The following NKAIN2 variants were observed in gnomAD, a reference collection of about 807,000 sequenced individuals.
NKAIN2 encodes the protein sodium/potassium transporting ATPase interacting 2, also known as sodium/potassium-transporting ATPase subunit beta-1-interacting protein 2.
In NKAIN2, 14 loss-of-function variants were observed where a neutral mutation model predicts 32.6. That is an observed-to-expected ratio of 0.43 (90% CI 0.28 to 0.67). The LOEUF is 0.67. Among genes scored for constraint, NKAIN2 ranks in the 30% least tolerant of loss-of-function variants. The probability of loss-of-function intolerance (pLI) is 0.17; values close to 1 mark genes in which losing one functional copy is unlikely to be tolerated. For missense variants in NKAIN2, 198 were observed against 258.3 expected, an observed-to-expected ratio of 0.77 and a Z score of 1.60; for synonymous variants, 80 against 87.2, an observed-to-expected ratio of 0.92 and a Z score of 0.46.
chr6:124,344,396 G>A (rs1209228328), intron 2 of NKAIN2, among the ~76,000 whole-genome samples: 1 of 151,686 alleles, frequency 6.6e-6, no homozygotes, highest in Admixed American at 6.6e-5. Flanking sequence ...GATGGGGATG[G>A]CATTGAATCT....
At chr6:124,242,078 A>G (rs1244017646) in intron 1 of NKAIN2, among the ~76,000 whole-genome samples, 1 of 152,220 alleles carries the variant, frequency 6.6e-6, no homozygotes, top group African/African-American at 2.4e-5. Flanking sequence ...GCTTATGCAC[A>G]GCAAAAGAAA....
chr6:124,036,869 C>T (rs981166140), intron 1 of NKAIN2, among the ~76,000 whole-genome samples: 1 of 152,124 alleles, frequency 6.6e-6, no homozygotes, highest in African/African-American at 2.4e-5. Context: ...GGTATTCCCT[C>T]AGCCTCCAGC....
Position 124,791,379 on chromosome 6 carries a change from T to C in NKAIN2, c.515T>C (p.Ile172Thr). Residue 172 changes from isoleucine (I) to threonine (T), a missense_variant, in exon 5 of 7, where the codon ATA becomes ACA. Ile to Thr is a moderately conservative substitution (Grantham distance 89). Coordinates refer to ENST00000368417, the MANE Select transcript of NKAIN2 (RefSeq NM_001040214.3). ...TACGCCTGTTATGTTGTGAAATGTA[T>C]AACTGAAGAAGAGGACAGCTGTAAG... Reference protein sequence around the residue: ...FIYACYVVKCITEEEDSFDFI... With the variant: ...FIYACYVVKCTTEEEDSFDFI... 6.2e-7 allele frequency: 1 copy of C among 1,608,028 alleles called. No individual in the cohort carries two copies. Among genetic ancestry groups the C allele is most frequent in the Non-Finnish European group, 8.5e-7 (1 of 1,175,408 alleles).
chr6:123,941,933 T>C (rs940459006), intron 1 of NKAIN2, among the ~76,000 whole-genome samples: 4 of 152,078 alleles, frequency 2.6e-5, no homozygotes, highest in Admixed American at 6.6e-5. Context: ...CAGTTTGACT[T>C]GACTTTATAC....
chr6:124,192,103 C>T (rs1008832629), intron 1 of NKAIN2, among the ~76,000 whole-genome samples: 4 of 151,900 alleles, frequency 2.6e-5, no homozygotes, highest in African/African-American at 9.7e-5. Flanking sequence ...TCATTTATTT[C>T]TGCTGTTGAA....
intron 3 of NKAIN2, among the ~76,000 whole-genome samples, chr6:124,498,499 A>G (rs1429352726): frequency 2.0e-5 from 3 of 152,170 alleles, no homozygotes; most frequent in African/African-American, 7.2e-5. Context: ...GGCTATGTCT[A>G]TTTTATTTAA....
At chr6:124,690,455 TATGACTTCCAGTA>T (rs1774201903) in intron 4 of NKAIN2, among the ~76,000 whole-genome samples, 1 of 152,152 alleles carries the variant, frequency 6.6e-6, no homozygotes, top group East Asian at 1.9e-4. Flanking sequence ...CTCATTTCAT[TATGACTTCCAGTA>T]AAATGTTGAA....
chr6:124,363,959 T>A (rs549090308), intron 3 of NKAIN2, among the ~76,000 whole-genome samples: 1 of 152,152 alleles, frequency 6.6e-6, no homozygotes, highest in Admixed American at 6.5e-5. Flanking sequence ...AATTATCTGG[T>A]AAAGATTTTT....
In NKAIN2 at chr6:124,171,977, T is replaced by C. The variant is rs1168942057; in HGVS notation, c.55-111028T>C. On this transcript the variant is annotated intron_variant, in intron 1 of 6. Transcript: ENST00000368417. ...ACAGGCACATGCTGCCACGCCCAGC[T>C]AATTTTTTGTATTTTTAGTAGAGAC... Among the ~76,000 whole-genome samples, 8 of 151,810 alleles carry C rather than the reference T, an allele frequency of 5.3e-5. No individual in the cohort carries two copies. The East Asian group carries it at 1.4e-3, about 26-fold the overall frequency.
At chr6:124,728,017 A>C (rs1319780447) in intron 4 of NKAIN2, among the ~76,000 whole-genome samples, 1 of 151,732 alleles carries the variant, frequency 6.6e-6, no homozygotes, top group Admixed American at 6.6e-5. Context: ...ACTATCCTAA[A>C]TATATATGCA....
intron 3 of NKAIN2, among the ~76,000 whole-genome samples, chr6:124,626,953 A>C (rs530313150): frequency 2.8e-4 from 43 of 152,198 alleles, no homozygotes; most frequent in African/African-American, 9.2e-4. Context: ...GCATCAACTA[A>C]TGATTTTATT....
intron 4 of NKAIN2, among the ~76,000 whole-genome samples, chr6:124,671,246 T>C (rs368187869): frequency 7.9e-5 from 12 of 152,254 alleles, no homozygotes; most frequent in East Asian, 7.7e-4. Flanking sequence ...TCATTATATC[T>C]CTCCTCCTTT....
At chr6:124,546,365 G>A (rs942268196) in intron 3 of NKAIN2, among the ~76,000 whole-genome samples, 18 of 152,198 alleles carry the variant, frequency 1.2e-4, no homozygotes, top group Middle Eastern at 3.4e-3. Flanking sequence ...AGTACTTGTT[G>A]AATAATTGCT....
In NKAIN2 at chr6:124,249,218, T is replaced by C. The variant is rs1375560580; in HGVS notation, c.55-33787T>C. Among the ~76,000 whole-genome samples, 4 of 152,104 alleles carry C rather than the reference T, an allele frequency of 2.6e-5. No individual in the cohort carries two copies. In the South Asian group the frequency reaches 6.2e-4, roughly 24 times the overall value. On this transcript the variant is annotated intron_variant, in intron 1 of 6. Coordinates refer to ENST00000368417, the MANE Select transcript of NKAIN2 (RefSeq NM_001040214.3). ...ATGGATTAGTCTAAGGTGGGAAAAGTTTGTTTCAGACACTAAATGGTAGTA... is the reference window on the plus strand; with the variant it reads ...ATGGATTAGTCTAAGGTGGGAAAAGCTTGTTTCAGACACTAAATGGTAGTA...
At chr6:124,695,452 A>T (rs544919973) in intron 4 of NKAIN2, among the ~76,000 whole-genome samples, 1 of 152,340 alleles carries the variant, frequency 6.6e-6, no homozygotes, top group South Asian at 2.1e-4. Flanking sequence ...CTCTTGCAAG[A>T]ATTTTCCTTG....
At chr6:124,423,917 A>G (rs1774864521) in intron 3 of NKAIN2, among the ~76,000 whole-genome samples, 1 of 152,232 alleles carries the variant, frequency 6.6e-6, no homozygotes. Context: ...TCCAGTCTCA[A>G]GTGTTTCCTT....
chr6:123,994,248 A>G (rs1262892052), intron 1 of NKAIN2, among the ~76,000 whole-genome samples: 3 of 150,680 alleles, frequency 2.0e-5, no homozygotes, highest in Non-Finnish European at 4.4e-5. Flanking sequence ...CCAACCTGCT[A>G]CGCTTACTCT....
intron 3 of NKAIN2, among the ~76,000 whole-genome samples, chr6:124,636,505 A>G: frequency 6.6e-6 from 1 of 151,884 alleles, no homozygotes; most frequent in East Asian, 1.9e-4. Context: ...AACAAAATCA[A>G]TAATCCATGA....
At chr6:124,706,846 T>A (rs900845718) in intron 4 of NKAIN2, among the ~76,000 whole-genome samples, 1 of 152,212 alleles carries the variant, frequency 6.6e-6, no homozygotes, top group Non-Finnish European at 1.5e-5. Context: ...TGGTTTTATT[T>A]TTTTTTTATT....
Sources: allele counts gnomAD v4.1 joint callset (sites outside exome capture counted in the v4.1 genomes callset), GRCh38; gene constraint gnomAD v4.1.1; transcripts MANE v1.5; gene names NCBI Gene and HGNC (gene_info 2026-07-23, HGNC 2026-07-21).